Variants in ROR2 observed in about 807,000 individuals in gnomAD.
ROR2 encodes the protein ROR family WNT receptor 2, also known as tyrosine-protein kinase transmembrane receptor ROR2.
A neutral mutation model predicts 74.9 loss-of-function variants in ROR2; 33 were observed. The ratio of observed to expected loss-of-function variants is 0.44; its 90% confidence interval spans 0.33 to 0.59. ROR2 has a LOEUF of 0.59. ROR2 is among the 20% of genes least tolerant of loss of function. ROR2 has a pLI of 0.02. For missense variants in ROR2, 1,216 were observed against 1,313.8 expected (o/e 0.93, Z 1.15); for synonymous variants, 586 against 558.7 (o/e 1.05, Z -0.69).
chr9:91,808,579 G>A (rs182954260), intron 1 of ROR2, among the ~76,000 whole-genome samples: 4 of 152,020 alleles, frequency 2.6e-5, no homozygotes, highest in South Asian at 2.1e-4. Context: ...AGCCGAGATC[G>A]TGCCACTGCA....
At chr9:91,896,961 C>T (rs551867036) in intron 1 of ROR2, among the ~76,000 whole-genome samples, 1 of 152,198 alleles carries the variant, frequency 6.6e-6, no homozygotes, top group African/African-American at 2.4e-5. Context: ...CCTCTCTGCC[C>T]GGTAACACAG....
chr9:91,884,712 C>G, intron 1 of ROR2, among the ~76,000 whole-genome samples: 1 of 152,112 alleles, frequency 6.6e-6, no homozygotes, highest in Non-Finnish European at 1.5e-5. Flanking sequence ...CATACACATT[C>G]AAGACTCTTC....
chr9:91,950,082 G>A lies in ROR2; in HGVS notation c.-119C>T, dbSNP rs1832134912. 4.2e-6 allele frequency: 2 copies of A among 480,152 alleles called. No homozygotes were observed. Among genetic ancestry groups the A allele is most frequent in the Non-Finnish European group, 7.0e-6 (2 of 284,518 alleles). The allele number at this position is 480,152 out of a possible 1,614,324, so 29.7% of individuals were successfully genotyped here. A position where few individuals can be genotyped will look rare whatever the true frequency, so the allele number is the denominator to read the frequency against. On this transcript the variant is annotated 5_prime_UTR_variant, in exon 1 of 9. Coordinates refer to ENST00000375708, the MANE Select transcript of ROR2 (RefSeq NM_004560.4). Reference sequence around the variant, plus strand: ...CCTTCTCCCTGGCGCTTCGCAAACGGGTCCACTTCGAGGACCTCGTCGTCG... The same window carrying A: ...CCTTCTCCCTGGCGCTTCGCAAACGAGTCCACTTCGAGGACCTCGTCGTCG...
intron 1 of ROR2, among the ~76,000 whole-genome samples, chr9:91,788,699 T>C (rs1826876791): frequency 1.3e-5 from 2 of 151,942 alleles, no homozygotes; most frequent in South Asian, 4.2e-4. Context: ...ACCCCCTCTC[T>C]ACTAAAAATA....
Position 91,849,106 on chromosome 9 carries a change from C to T in ROR2, c.98-73288G>A, listed in dbSNP as rs112815645. On this transcript the variant is annotated intron_variant, in intron 1 of 8. Transcript: ENST00000375708. Reference sequence around the variant, plus strand: ...GCAGGTGCCCACACTTCGGAAGTGACTCTAGGGCTTGCTTGAGATCACCTT... The same window carrying T: ...GCAGGTGCCCACACTTCGGAAGTGATTCTAGGGCTTGCTTGAGATCACCTT... 9.4e-3 allele frequency among the ~76,000 whole-genome samples: 1,425 copies of T among 152,252 alleles called. 26 individuals are homozygous for T. The highest frequency in any genetic ancestry group is 0.032 in the African/African-American group (1,331 of 41,534).
At chr9:91,742,794 C>T (rs545788904) in intron 4 of ROR2, among the ~76,000 whole-genome samples, 3 of 152,310 alleles carry the variant, frequency 2.0e-5, no homozygotes, top group East Asian at 3.9e-4. Flanking sequence ...CATTCACTCG[C>T]GACTTACTCA....
rs760022521 is a variant in ROR2 at position 91,775,789 on chromosome 9, G to A, written c.127C>T (p.Pro43Ser). The A allele has an allele frequency of 1.9e-6, 3 of 1,614,154 alleles. No individual in the cohort carries two copies. The Admixed American group carries it at 5.0e-5, about 27-fold the overall frequency. The change falls in exon 2 of 9, where the codon CCT becomes TCT. Residue 43 changes from proline (P) to serine (S), a missense_variant. Pro to Ser is a moderately conservative substitution (Grantham distance 74, BLOSUM62 -1). Coordinates refer to ENST00000375708, the MANE Select transcript of ROR2 (RefSeq NM_004560.4). ...GEVEVLDPND[P>S]LGPLDGQDGP... ...TCCTGCCCATCAAGGGGTCCTAAAGGGTCGTTCGGATCCAGAACCTCCACT... is the reference window on the plus strand; with the variant it reads ...TCCTGCCCATCAAGGGGTCCTAAAGAGTCGTTCGGATCCAGAACCTCCACT...
chr9:91,911,612 G>C (rs1487806443), intron 1 of ROR2, among the ~76,000 whole-genome samples: 1 of 152,056 alleles, frequency 6.6e-6, no homozygotes, highest in Admixed American at 6.6e-5. Context: ...AGAAGAGATG[G>C]TGAAATACAA....
chr9:91,925,969 C>G (rs1383595889), intron 1 of ROR2, among the ~76,000 whole-genome samples: 1 of 152,168 alleles, frequency 6.6e-6, no homozygotes, highest in African/African-American at 2.4e-5. Flanking sequence ...CTAGGCCTGG[C>G]GCGGTTGCTC....
At chr9:91,917,323 A>G (rs1270177344) in intron 1 of ROR2, among the ~76,000 whole-genome samples, 2 of 152,222 alleles carry the variant, frequency 1.3e-5, no homozygotes, top group Admixed American at 6.5e-5. Context: ...TCTCAAACCC[A>G]GACACGTGCG....
At chr9:91,770,444 C>A (rs550057539) in intron 2 of ROR2, among the ~76,000 whole-genome samples, 1 of 152,174 alleles carries the variant, frequency 6.6e-6, no homozygotes, top group South Asian at 2.1e-4. Flanking sequence ...GGTCTGGGCA[C>A]CTGGAGCACA....
intron 1 of ROR2, among the ~76,000 whole-genome samples, chr9:91,788,998 T>C (rs1175934563): frequency 6.6e-6 from 1 of 151,606 alleles, no homozygotes. Flanking sequence ...AAGAAAGGAT[T>C]GGGGGAGGTC....
chr9:91,918,499 C>T (rs1028223717), intron 1 of ROR2, among the ~76,000 whole-genome samples: 3 of 152,144 alleles, frequency 2.0e-5, no homozygotes, highest in Non-Finnish European at 2.9e-5. Context: ...AAGTGTTTGA[C>T]AGTAGGTAAA....
chr9:91,790,512 TA>T (rs60624626), intron 1 of ROR2, among the ~76,000 whole-genome samples: 17,091 of 137,294 alleles, frequency 0.12, 1,041 homozygotes, highest in South Asian at 0.25. Context: ...CCGTCTCAAT[TA>T]AAAAAAAAAA....
intron 1 of ROR2, among the ~76,000 whole-genome samples, chr9:91,846,183 T>G (rs1166256435): frequency 6.6e-6 from 1 of 152,226 alleles, no homozygotes. Context: ...CTTGGAATAC[T>G]GTAGAGTGGA....
At chr9:91,765,175 T>G (rs1398581755) in intron 2 of ROR2, among the ~76,000 whole-genome samples, 2 of 152,234 alleles carry the variant, frequency 1.3e-5, no homozygotes, top group African/African-American at 2.4e-5. Flanking sequence ...AATTCCACTG[T>G]GCTCTCTCCC....
rs62563407 is a variant in ROR2, at chr9:91,764,559, T to C, written c.176-7000A>G. ...TTAAATGCTATGAGCTATAATCACTTACACACACACACACACACACACACA... is the reference window on the plus strand; with the variant it reads ...TTAAATGCTATGAGCTATAATCACTCACACACACACACACACACACACACA... On this transcript the variant is annotated intron_variant, in intron 2 of 8. Transcript: ENST00000375708. Among the ~76,000 whole-genome samples the C allele has an allele frequency of 2.0e-4, 30 of 147,696 alleles. 1 individual carries two copies. Among genetic ancestry groups the C allele is most frequent in the Admixed American group, 1.6e-3 (24 of 14,792 alleles).
intron 1 of ROR2, among the ~76,000 whole-genome samples, chr9:91,949,214 C>G (rs1284005929): frequency 6.6e-6 from 1 of 151,924 alleles, no homozygotes; most frequent in Non-Finnish European, 1.5e-5. Context: ...CACACCACTT[C>G]GGCCACCCCA....
intron 1 of ROR2, among the ~76,000 whole-genome samples, chr9:91,804,911 C>T (rs926777641): frequency 1.3e-5 from 2 of 152,200 alleles, no homozygotes; most frequent in Non-Finnish European, 1.5e-5. Context: ...TAGGAAATTC[C>T]TTTTTCTTTC....
Sources: allele counts gnomAD v4.1 joint callset (sites outside exome capture counted in the v4.1 genomes callset), GRCh38; gene constraint gnomAD v4.1.1; transcripts MANE v1.5; gene names NCBI Gene and HGNC (gene_info 2026-07-23, HGNC 2026-07-21).